ASIC1: variants seen among roughly 807,000 people sequenced by gnomAD.
ASIC1 encodes the protein acid sensing ion channel subunit 1.
Under a neutral mutation model 63.4 loss-of-function variants are expected in ASIC1, and 21 were observed. The observed-to-expected ratio is 0.33, with a 90% confidence interval of 0.23 to 0.48. The LOEUF (loss-of-function observed/expected upper bound fraction) is 0.48. Ranked by LOEUF, ASIC1 falls within the 20% of genes least tolerant of loss-of-function variation. ASIC1 has a pLI of 0.99. For missense variants in ASIC1, 478 were observed against 695.5 expected (o/e 0.69, Z 3.52); for synonymous variants, 258 against 278.2 (o/e 0.93, Z 0.72).
At chr12:50,070,520 G>T (rs181668240) in intron 3 of ASIC1, among the ~76,000 whole-genome samples, 1 of 152,116 alleles carries the variant, frequency 6.6e-6, no homozygotes, top group South Asian at 2.1e-4. Context: ...GAGGTATTCA[G>T]TTGCACCCAA....
Position 50,072,622 on chromosome 12 carries a change from G to A in ASIC1, c.559-4591G>A, listed in dbSNP as rs933497951. ...TCTTCCACCCACCAGAGAATTCCTC[G>A]AACAAACTAAACTGTTCGGGGGGCG... is the stretch of plus-strand genomic sequence containing the variant. On this transcript the variant is annotated intron_variant, in intron 3 of 11. Coordinates refer to ENST00000447966, the MANE Select transcript of ASIC1 (RefSeq NM_001095.4). Among the ~76,000 whole-genome samples the A allele has an allele frequency of 3.9e-5, 6 of 152,100 alleles. No homozygotes were observed. The South Asian group carries it at 6.2e-4, about 16-fold the overall frequency.
intron 3 of ASIC1, among the ~76,000 whole-genome samples, chr12:50,065,221 C>T (rs559245456): frequency 1.1e-4 from 17 of 152,280 alleles, no homozygotes; most frequent in Middle Eastern, 3.4e-3. Flanking sequence ...TTGGGGTGGC[C>T]AATGCAGAAG....
At chr12:50,062,893 G>A (rs1028041029) in intron 3 of ASIC1, among the ~76,000 whole-genome samples, 3 of 152,196 alleles carry the variant, frequency 2.0e-5, no homozygotes, top group Admixed American at 1.3e-4. Context: ...GGCTGAGTCA[G>A]CTTGGGAGGG....
At chr12:50,067,005 CAATG>C (rs1272124693) in intron 3 of ASIC1, among the ~76,000 whole-genome samples, 1 of 152,206 alleles carries the variant, frequency 6.6e-6, no homozygotes, top group Non-Finnish European at 1.5e-5. Flanking sequence ...ACCCCATTGA[CAATG>C]AAACATGCTG....
intron 7 of ASIC1, 85 bp from the exon 8 acceptor site, chr12:50,079,817 T>C: frequency 6.8e-7 from 1 of 1,471,674 alleles, no homozygotes; most frequent in Non-Finnish European, 9.1e-7. Context: ...CCAGAGTTTC[T>C]CTGGGCAGAG....
chr12:50,058,655 T>C, intron 1 of ASIC1, 96 bp from the exon 2 acceptor site: 1 of 1,448,330 alleles, frequency 6.9e-7, no homozygotes, highest in Non-Finnish European at 9.2e-7. Flanking sequence ...AGTGGTGACC[T>C]CTGGAGATGA....
rs1398889648 is a variant in ASIC1 at position 50,083,271 on chromosome 12, T to A, written c.*1622T>A. 3 of 152,228 alleles carry A rather than the reference T, an allele frequency of 2.0e-5. No homozygotes were observed. Among genetic ancestry groups the A allele is most frequent in the African/African-American group, 7.2e-5 (3 of 41,454 alleles). 9.4% of individuals were successfully genotyped at this position (152,228 alleles called of 1,614,324 possible). ...TGAAAGCTCTGCTGTTGTCTCACCC[T>A]ATCTTAATGAGAGACAAGTGAGGTG... On this transcript the variant is annotated 3_prime_UTR_variant, in exon 12 of 12. Transcript: ENST00000447966.
At chr12:50,072,064 A>G (rs1950605087) in intron 3 of ASIC1, among the ~76,000 whole-genome samples, 1 of 152,194 alleles carries the variant, frequency 6.6e-6, no homozygotes, top group Admixed American at 6.5e-5. Context: ...GCTGAGGCCA[A>G]AGGTTCCACA....
intron 3 of ASIC1, among the ~76,000 whole-genome samples, chr12:50,071,466 T>C (rs1358908625): frequency 6.6e-6 from 1 of 150,792 alleles, no homozygotes; most frequent in Admixed American, 6.6e-5. Flanking sequence ...GTATTTTTAG[T>C]AGAGACAGGG....
chr12:50,072,302 A>G (rs393848), intron 3 of ASIC1, among the ~76,000 whole-genome samples: 144,880 of 152,276 alleles, frequency 0.95, 69,064 homozygotes, highest in Non-Finnish European at 0.98. Flanking sequence ...CAGAGAAAGC[A>G]TTAATCTGCT....
chr12:50,068,304 C>T (rs1950565117), intron 3 of ASIC1, among the ~76,000 whole-genome samples: 2 of 152,170 alleles, frequency 1.3e-5, no homozygotes, highest in Admixed American at 6.5e-5. Flanking sequence ...GTTTTTGGCT[C>T]TTATCTATAA....
chr12:50,059,657 TG>T lies in ASIC1; in HGVS notation c.363-99del. 1 of 1,241,692 alleles carries T rather than the reference TG, an allele frequency of 8.1e-7. No individual in the cohort carries two copies. The highest frequency in any genetic ancestry group is 1.1e-6 in the Non-Finnish European group (1 of 886,574). 76.9% of individuals were successfully genotyped at this position (1,241,692 alleles called of 1,614,324 possible). On this transcript the variant is annotated intron_variant, in intron 2 of 11. Coordinates refer to ENST00000447966, the MANE Select transcript of ASIC1 (RefSeq NM_001095.4). This position sits in a 1 kb window ranked among gnomAD's most constrained non-coding sequence, Gnocchi z 4.6. ...CCAGCTCTCCTTCCTTGCCTACACCTGGGACTGATCCCCAGGGCTGGAGGCT... is the reference window on the plus strand; with the variant it reads ...CCAGCTCTCCTTCCTTGCCTACACCTGGACTGATCCCCAGGGCTGGAGGCT...
chr12:50,075,471 A>G (rs1950646417), intron 3 of ASIC1, among the ~76,000 whole-genome samples: 1 of 152,172 alleles, frequency 6.6e-6, no homozygotes, highest in Non-Finnish European at 1.5e-5. Flanking sequence ...GAGTGTAGGC[A>G]TGGGCATATG....
intron 3 of ASIC1, chr12:50,073,937 C>T (rs2137834902): frequency 1.3e-6 from 2 of 1,535,890 alleles, no homozygotes; most frequent in Admixed American, 2.0e-5. Context: ...CTCAGCTACC[C>T]ACACGTGACC....
chr12:50,080,133 G>A (rs1950700112), intron 8 of ASIC1, 78 bp downstream of exon 8: 1 of 1,525,762 alleles, frequency 6.6e-7, no homozygotes, highest in Non-Finnish European at 8.8e-7. Context: ...ATGGGGGCGG[G>A]GGCTGGCAGG....
chr12:50,061,085 A>T (rs1451441257), intron 3 of ASIC1, among the ~76,000 whole-genome samples: 1 of 152,168 alleles, frequency 6.6e-6, no homozygotes, highest in Non-Finnish European at 1.5e-5. Context: ...CCCTGGGGTT[A>T]TTGTGTCCAC....
intron 8 of ASIC1, 132 bp downstream of exon 8, chr12:50,080,187 C>A: frequency 7.7e-7 from 1 of 1,291,204 alleles, no homozygotes; most frequent in Non-Finnish European, 1.1e-6. Context: ...AAAAGGCAAG[C>A]AAAGAGTCTA....
chr12:50,059,719 G>A lies in ASIC1; in HGVS notation c.363-40G>A, dbSNP rs755867076. On this transcript the variant is annotated intron_variant, in intron 2 of 11. Coordinates refer to ENST00000447966, the MANE Select transcript of ASIC1 (RefSeq NM_001095.4). The surrounding 1 kb of genome is among the most constrained non-coding windows in gnomAD (Gnocchi z 4.6). The stretch of plus-strand genomic sequence containing the variant: ...CCCAAGTTGGGTGCAGGACACTGAT[G>A]ACTGTACTGACCCGTGTGTCACTCA... The A allele has an allele frequency of 1.9e-6, 3 of 1,592,404 alleles. No homozygotes were observed. The highest frequency in any genetic ancestry group is 2.6e-6 in the Non-Finnish European group (3 of 1,168,260).
chr12:50,076,925 T>C, intron 3 of ASIC1: 1 of 566,712 alleles, frequency 1.8e-6, no homozygotes, highest in African/African-American at 1.9e-5. Context: ...CCTCCTGCCT[T>C]CTGAGCCATT....
Sources: gnomAD v4.1 joint callset for allele counts (sites outside exome capture counted in the v4.1 genomes callset) on GRCh38, gnomAD v4.1.1 for gene constraint, Gnocchi (gnomAD v3.1) non-coding constraint, MANE v1.5 for transcripts, NCBI Gene and HGNC (gene_info 2026-07-23, HGNC 2026-07-21) for gene names.